Variants in SLC41A3 observed in about 807,000 individuals in gnomAD.
The protein encoded by SLC41A3 is SLC41A1-like 2.
SLC41A3 carries 44 observed loss-of-function variants against 45.4 expected under a neutral mutation model. That is an observed-to-expected ratio of 0.97 (90% CI 0.76 to 1.25). The LOEUF (loss-of-function observed/expected upper bound fraction) is 1.25, where lower values mean the gene tolerates loss of function less well. Ranked by LOEUF, SLC41A3 falls within the 50% of genes most tolerant of loss-of-function variation. The pLI, the probability that SLC41A3 is intolerant of heterozygous loss-of-function variation, is 0.00. For missense variants in SLC41A3, 550 were observed against 600.6 expected (o/e 0.92, Z 0.88); for synonymous variants, 256 against 252.4 (o/e 1.01, Z -0.13).
At chr3:126,056,960 A>G in intron 2 of SLC41A3, 9 of 1,053,196 alleles carry the variant, frequency 8.5e-6, no homozygotes, top group Non-Finnish European at 1.0e-5. Flanking sequence ...TGGGCTGGAC[A>G]GAGCTGAAGC....
chr3:126,067,630 G>A (rs1233813204), intron 2 of SLC41A3: 1 of 495,614 alleles, frequency 2.0e-6, no homozygotes, highest in East Asian at 5.7e-5. Context: ...CCCAGTGTGT[G>A]GGACTTTGTT....
intron 2 of SLC41A3, among the ~76,000 whole-genome samples, chr3:126,060,802 C>T (rs1046234205): frequency 2.0e-5 from 3 of 152,194 alleles, no homozygotes; most frequent in Non-Finnish European, 4.4e-5. Flanking sequence ...AGGTGGAAGC[C>T]GGGTCCAGCG....
chr3:126,039,247 A>G (rs1942417329), intron 3 of SLC41A3, among the ~76,000 whole-genome samples: 1 of 152,220 alleles, frequency 6.6e-6, no homozygotes, highest in African/African-American at 2.4e-5. Flanking sequence ...GTACAACACT[A>G]ATAACTAAAC....
At chr3:126,053,506 A>T (rs1943472979) in intron 2 of SLC41A3, among the ~76,000 whole-genome samples, 1 of 152,198 alleles carries the variant, frequency 6.6e-6, no homozygotes, top group Non-Finnish European at 1.5e-5. Flanking sequence ...TCCAGTAACT[A>T]ACCAATTCTG....
At chr3:126,049,423 G>GT (rs1358861463) in intron 3 of SLC41A3, among the ~76,000 whole-genome samples, 1 of 152,182 alleles carries the variant, frequency 6.6e-6, no homozygotes, top group Non-Finnish European at 1.5e-5. Context: ...GGAGGCAGGG[G>GT]TTGCAGTGAG....
Position 126,007,050 on chromosome 3 carries a change from C to T in SLC41A3, c.1430G>A (p.Gly477Asp). 1 of 1,614,204 alleles carries T rather than the reference C, an allele frequency of 6.2e-7. No homozygotes were observed. Among genetic ancestry groups the T allele is most frequent in the Non-Finnish European group, 8.5e-7 (1 of 1,180,038 alleles). Residue 477 changes from glycine (G) to aspartate (D), a missense_variant, in exon 11 of 11, where the codon GGT becomes GAT. Coordinates refer to ENST00000360370, the MANE Select transcript of SLC41A3 (RefSeq NM_017836.4). ...TCCAGATGCCAGTTCTGAGATGCCA[C>T]CCAGCTCTGCCTTGCTCTTCAGTAG... is the stretch of plus-strand genomic sequence containing the variant. ...DWLLKSKAEL[G>D]GISELASGPP
chr3:126,013,184 T>C (rs1939898596), intron 8 of SLC41A3, among the ~76,000 whole-genome samples: 2 of 151,396 alleles, frequency 1.3e-5, no homozygotes, highest in African/African-American at 4.9e-5. Context: ...GACTACAGCC[T>C]GGAATATCTG....
At chr3:126,034,933 G>A (rs1049841157) in intron 3 of SLC41A3, among the ~76,000 whole-genome samples, 16 of 152,196 alleles carry the variant, frequency 1.1e-4, no homozygotes, top group African/African-American at 3.6e-4. Flanking sequence ...TACAGCCCAC[G>A]TGGCAGCCTG....
At chr3:126,071,750 T>C (rs1468933784) in intron 1 of SLC41A3, among the ~76,000 whole-genome samples, 1 of 149,984 alleles carries the variant, frequency 6.7e-6, no homozygotes, top group Non-Finnish European at 1.5e-5. Flanking sequence ...AGGAAATTTA[T>C]AAATATGCGG....
intron 2 of SLC41A3, among the ~76,000 whole-genome samples, chr3:126,064,839 C>T (rs367733113): frequency 6.6e-6 from 1 of 152,248 alleles, no homozygotes; most frequent in African/African-American, 2.4e-5. Flanking sequence ...CCATTCCTGC[C>T]TGCTCCACGC....
In SLC41A3 at chr3:126,050,915, C is replaced by T. The variant is rs572942181; in HGVS notation, c.381+28G>A. ...GGACGCGCCTGCCTCACGTTGTGGCCGCCTCGAATGTCCAGGTGTCCACTT... is the reference window on the plus strand; with the variant it reads ...GGACGCGCCTGCCTCACGTTGTGGCTGCCTCGAATGTCCAGGTGTCCACTT... On this transcript the variant is annotated intron_variant, in intron 3 of 10. Coordinates refer to ENST00000360370, the MANE Select transcript of SLC41A3 (RefSeq NM_017836.4). 2.4e-5 allele frequency: 38 copies of T among 1,597,416 alleles called. No homozygotes were observed. The East Asian group carries it at 4.0e-4, about 17-fold the overall frequency.
intron 8 of SLC41A3, among the ~76,000 whole-genome samples, chr3:126,013,986 TTTCAAGCTCTGCC>T: frequency 6.6e-6 from 1 of 151,980 alleles, no homozygotes; most frequent in East Asian, 1.9e-4. Flanking sequence ...ATGAAAAAGG[TTTCAAGCTCTGCC>T]CGGGCCAGAT....
intron 1 of SLC41A3, among the ~76,000 whole-genome samples, chr3:126,069,047 C>T (rs908828145): frequency 1.3e-5 from 2 of 151,902 alleles, no homozygotes; most frequent in Non-Finnish European, 2.9e-5. Context: ...GAAAAATTCC[C>T]GCACACTCTG....
chr3:126,015,527 TG>T lies in SLC41A3; in HGVS notation c.936del (p.Tyr312Ter). The T allele has an allele frequency of 6.2e-7, 1 of 1,614,210 alleles. No individual in the cohort carries two copies. Among genetic ancestry groups the T allele is most frequent in the South Asian group, 1.1e-5 (1 of 91,082 alleles). ...ACGGGGGTAAATATCGCCATGCCTT[TG>T]TACTGCTGTTTAGAAACGGTTTTGC... ...ILSKTVSKQQ[Y>X]KGMAIFTPVI... On this transcript the variant is annotated frameshift_variant, in exon 8 of 11. Transcript: ENST00000360370. LOFTEE classifies it high-confidence loss of function.
chr3:126,027,726 G>C (rs1449630150), intron 4 of SLC41A3, among the ~76,000 whole-genome samples: 1 of 152,228 alleles, frequency 6.6e-6, no homozygotes, highest in African/African-American at 2.4e-5. Context: ...CTTGTTAAAT[G>C]TTTGTGACCA....
intron 1 of SLC41A3, among the ~76,000 whole-genome samples, chr3:126,082,583 C>T (rs1316787041): frequency 6.6e-6 from 1 of 152,212 alleles, no homozygotes; most frequent in African/African-American, 2.4e-5. Flanking sequence ...GCTGCCCACC[C>T]TCCCAGCTGC....
At chr3:126,070,986 C>T (rs1944591566) in intron 1 of SLC41A3, among the ~76,000 whole-genome samples, 1 of 150,998 alleles carries the variant, frequency 6.6e-6, no homozygotes, top group Admixed American at 6.6e-5. Context: ...ATCCTCAGGG[C>T]AACTGCTAAG....
At chr3:126,063,873 C>A (rs541364675) in intron 2 of SLC41A3, among the ~76,000 whole-genome samples, 2 of 148,394 alleles carry the variant, frequency 1.3e-5, no homozygotes, top group South Asian at 4.2e-4. Flanking sequence ...CACTTCAACT[C>A]CGATGAAGTG....
At chr3:126,069,067 T>C (rs1338494369) in intron 1 of SLC41A3, among the ~76,000 whole-genome samples, 1 of 151,790 alleles carries the variant, frequency 6.6e-6, no homozygotes, top group Non-Finnish European at 1.5e-5. Context: ...GGGCATCTAT[T>C]AGGTTGGTGC....
Sources: gnomAD v4.1 joint callset for allele counts (sites outside exome capture counted in the v4.1 genomes callset) on GRCh38, gnomAD v4.1.1 for gene constraint, MANE v1.5 for transcripts, NCBI Gene and HGNC (gene_info 2026-07-23, HGNC 2026-07-21) for gene names.